BNC2: variants seen among roughly 807,000 people sequenced by gnomAD.
BNC2 encodes zinc finger protein basonuclin-2.
Under a neutral mutation model 76.3 loss-of-function variants are expected in BNC2, and 20 were observed. The observed-to-expected ratio is 0.26, with a 90% CI of 0.18 to 0.38. BNC2 has a LOEUF of 0.38. BNC2 is among the 10% of genes least tolerant of loss of function. The pLI is 1.00. For missense variants in BNC2, 1,382 were observed against 1,399.8 expected (o/e 0.99, Z 0.20); for synonymous variants, 582 against 514.8 (o/e 1.13, Z -1.77).
intron 3 of BNC2, among the ~76,000 whole-genome samples, chr9:16,607,749 G>A (rs1211873772): frequency 6.6e-6 from 1 of 152,078 alleles, no homozygotes; most frequent in African/African-American, 2.4e-5. Flanking sequence ...ACCCTGTCTA[G>A]GCAGTTAAGA....
intron 5 of BNC2, among the ~76,000 whole-genome samples, chr9:16,533,756 A>T (rs1262863603): frequency 6.6e-6 from 1 of 152,208 alleles, no homozygotes; most frequent in Non-Finnish European, 1.5e-5. Flanking sequence ...AGGAAGCACA[A>T]TGTAACTAAA....
intron 5 of BNC2, among the ~76,000 whole-genome samples, chr9:16,441,389 A>G (rs549170400): frequency 6.6e-6 from 1 of 152,360 alleles, no homozygotes; most frequent in Admixed American, 6.5e-5. Context: ...AAACAAATTG[A>G]TCTTACACAA....
intron 3 of BNC2, among the ~76,000 whole-genome samples, chr9:16,713,445 C>CTT (rs34090221): frequency 2.3e-5 from 3 of 128,170 alleles, no homozygotes; most frequent in South Asian, 2.6e-4. Context: ...GGAAAAGGCA[C>CTT]TTTTTTTTTT....
intron 5 of BNC2, 80 bp from the exon 6 acceptor site, chr9:16,437,604 G>T: frequency 2.0e-6 from 3 of 1,479,836 alleles, no homozygotes; most frequent in South Asian, 1.2e-5. Flanking sequence ...GCAACTGAAG[G>T]TGCTCTGTGT....
At chr9:16,809,531 C>A (rs1158347479) in intron 1 of BNC2, among the ~76,000 whole-genome samples, 3 of 152,098 alleles carry the variant, frequency 2.0e-5, no homozygotes, top group Admixed American at 2.0e-4. Context: ...ATAGGTCAAA[C>A]GAGGGTGTAC....
At chr9:16,531,241 TA>T (rs1817965395) in intron 5 of BNC2, among the ~76,000 whole-genome samples, 2 of 152,212 alleles carry the variant, frequency 1.3e-5, no homozygotes, top group Non-Finnish European at 2.9e-5. Context: ...ACTCCAGGGC[TA>T]CTTAAACCAA....
chr9:16,516,729 T>C (rs983036544), intron 5 of BNC2, among the ~76,000 whole-genome samples: 2 of 152,200 alleles, frequency 1.3e-5, no homozygotes, highest in Non-Finnish European at 2.9e-5. Flanking sequence ...AGACTAATTA[T>C]TAATTTATAG....
At chr9:16,579,186 A>G (rs991022405) in intron 4 of BNC2, among the ~76,000 whole-genome samples, 1 of 152,214 alleles carries the variant, frequency 6.6e-6, no homozygotes, top group Non-Finnish European at 1.5e-5. Context: ...AAGGATTTTA[A>G]GAAAATACTC....
At chr9:16,658,755 A>T (rs1319842570) in intron 3 of BNC2, among the ~76,000 whole-genome samples, 1 of 152,212 alleles carries the variant, frequency 6.6e-6, no homozygotes, top group African/African-American at 2.4e-5. Flanking sequence ...CTATCCCAGA[A>T]CAGACAATCC....
At chr9:16,452,912 C>A (rs138516898) in intron 5 of BNC2, among the ~76,000 whole-genome samples, 2 of 152,208 alleles carry the variant, frequency 1.3e-5, no homozygotes, top group African/African-American at 4.8e-5. Flanking sequence ...AGGGATCTGG[C>A]CTACAGATCA....
chr9:16,433,856 G>A lies in BNC2; in HGVS notation c.2639+1699C>T, dbSNP rs982373326. 2.0e-5 allele frequency among the ~76,000 whole-genome samples: 3 copies of A among 152,002 alleles called. No homozygotes were observed. In the South Asian group the frequency reaches 6.2e-4, roughly 32 times the overall value. On this transcript the variant is annotated intron_variant, in intron 6 of 6. Transcript: ENST00000380672. ...CACTCCATTTCCATAAATATTTTAT[G>A]CAGGTTTTCATGAGTCTTTTATTTT...
intron 5 of BNC2, among the ~76,000 whole-genome samples, chr9:16,488,843 A>C (rs56194727): frequency 1.8e-3 from 280 of 152,270 alleles, no homozygotes; most frequent in African/African-American, 6.0e-3. Context: ...GCAAAAAAAA[A>C]CCCAAAAAAC....
chr9:16,421,150 A>G (rs1355993677), intron 6 of BNC2: 20 of 514,152 alleles, frequency 3.9e-5, no homozygotes, highest in Non-Finnish European at 5.2e-5. Flanking sequence ...GAGACAAGAA[A>G]GGTGGGGAAG....
rs543956072 is a variant in BNC2, at chr9:16,863,428, G to C, written c.3+7218C>G. On this transcript the variant is annotated intron_variant, in intron 1 of 6. Transcript: ENST00000380672. ...GGCTGGGCACAGTGGCTCACTGTGG[G>C]ATCACACTGTAATCCCAGCACTTTG... Among the ~76,000 whole-genome samples the C allele has an allele frequency of 2.6e-5, 4 of 151,974 alleles. No individual in the cohort carries two copies. The East Asian group carries it at 5.9e-4, about 22-fold the overall frequency.
Position 16,640,919 on chromosome 9 carries a change from T to G in BNC2, c.331-57834A>C, listed in dbSNP as rs201429732. On this transcript the variant is annotated intron_variant, in intron 3 of 6. Coordinates refer to ENST00000380672, the MANE Select transcript of BNC2 (RefSeq NM_017637.6). The stretch of plus-strand genomic sequence containing the variant: ...GATCCTGTTACTTTAGAAAGAGAGG[T>G]GTCTAAGAACTCAAGAAGCAGTACG... Among the ~76,000 whole-genome samples the G allele has an allele frequency of 2.6e-5, 4 of 152,024 alleles. No homozygotes were observed. In the East Asian group the frequency reaches 5.8e-4, roughly 22 times the overall value.
At chr9:16,796,021 C>T (rs1817638426) in intron 1 of BNC2, among the ~76,000 whole-genome samples, 1 of 152,156 alleles carries the variant, frequency 6.6e-6, no homozygotes, top group South Asian at 2.1e-4. Flanking sequence ...ACAATTTACG[C>T]AGTCTCAAAG....
At chr9:16,665,010 T>C in intron 3 of BNC2, 1 of 455,470 alleles carries the variant, frequency 2.2e-6, no homozygotes, top group Non-Finnish European at 4.4e-6. Flanking sequence ...GCCTTAGATA[T>C]CACAGCAACT....
At chr9:16,709,420 A>G (rs1175112042) in intron 3 of BNC2, among the ~76,000 whole-genome samples, 1 of 152,200 alleles carries the variant, frequency 6.6e-6, no homozygotes, top group African/African-American at 2.4e-5. Flanking sequence ...TGACAACTGG[A>G]TTTTAATTAA....
chr9:16,483,406 T>C (rs755695380), intron 5 of BNC2, among the ~76,000 whole-genome samples: 2 of 152,192 alleles, frequency 1.3e-5, no homozygotes, highest in Non-Finnish European at 2.9e-5. Context: ...TATAAAGCTA[T>C]GTGGTTTTGG....
Sources: allele counts gnomAD v4.1 joint callset (sites outside exome capture counted in the v4.1 genomes callset), GRCh38; gene constraint gnomAD v4.1.1; transcripts MANE v1.5; gene names NCBI Gene and HGNC (gene_info 2026-07-23, HGNC 2026-07-21).